The following CUEDC1 variants were observed in gnomAD, a reference collection of about 807,000 sequenced individuals.
CUEDC1 encodes CUE domain-containing protein 1.
In CUEDC1, 30 loss-of-function variants were observed where a neutral mutation model predicts 43.7. The observed-to-expected ratio is 0.69, with a 90% CI of 0.51 to 0.93. CUEDC1 has a LOEUF of 0.93. CUEDC1 is among the 40% of genes least tolerant of loss of function. The pLI, the probability that CUEDC1 is intolerant of heterozygous loss-of-function variation, is 0.00. For synonymous variants in CUEDC1, 223 were observed against 223.6 expected (o/e 1.00, Z 0.02); for missense variants, 486 against 549.0 (o/e 0.89, Z 1.15).
At chr17:57,899,341 G>A (rs528460351) in intron 1 of CUEDC1, among the ~76,000 whole-genome samples, 2 of 152,222 alleles carry the variant, frequency 1.3e-5, no homozygotes, top group East Asian at 3.9e-4. Context: ...GCACAGTCAG[G>A]GGCGCCCAGA....
At chr17:57,940,432 G>A (rs749153682) in intron 1 of CUEDC1, among the ~76,000 whole-genome samples, 12 of 152,086 alleles carry the variant, frequency 7.9e-5, no homozygotes, top group Non-Finnish European at 1.5e-4. Context: ...ACCAGCTCTG[G>A]ACAATGTGAA....
At chr17:57,890,161 G>C (rs1428761609) in intron 1 of CUEDC1, among the ~76,000 whole-genome samples, 1 of 152,192 alleles carries the variant, frequency 6.6e-6, no homozygotes, top group Non-Finnish European at 1.5e-5. Flanking sequence ...TATGTGGAGA[G>C]GCCAGAATAG....
rs202209140 is a variant in CUEDC1, at chr17:57,879,573, C to A, written c.464+38G>T. 4.7e-4 allele frequency: 732 copies of A among 1,545,968 alleles called. 2 individuals carry two copies. Among genetic ancestry groups the A allele is most frequent in the Middle Eastern group, 2.4e-3 (14 of 5,764 alleles). On this transcript the variant is annotated intron_variant, in intron 3 of 10. Transcript: ENST00000577830. ...ACAGCCCCAGCCACTGATCCTCTTC[C>A]CTGCCACCCTGTGCTCTGAGACATG...
rs544912009 is a variant in CUEDC1, at chr17:57,908,291, A to G, written c.-315-22412T>C. Reference sequence around the variant, plus strand: ...AGGCTGGTCTCAAACTCCTGACCTCAGGTAATCTGCCTGCCTAGGCCTCCC... The same window carrying G: ...AGGCTGGTCTCAAACTCCTGACCTCGGGTAATCTGCCTGCCTAGGCCTCCC... On this transcript the variant is annotated intron_variant, in intron 1 of 10. Coordinates refer to ENST00000577830, the MANE Select transcript of CUEDC1 (RefSeq NM_001271875.2). Among the ~76,000 whole-genome samples, 6 of 152,294 alleles carry G rather than the reference A, an allele frequency of 3.9e-5. No homozygotes were observed. In the South Asian group the frequency reaches 1.2e-3, roughly 32 times the overall value.
chr17:57,866,749 T>C, intron 9 of CUEDC1: 1 of 567,240 alleles, frequency 1.8e-6, no homozygotes, highest in East Asian at 2.9e-5. Context: ...ACCACTGAGC[T>C]CTGAGACCTT....
intron 2 of CUEDC1, among the ~76,000 whole-genome samples, chr17:57,880,833 C>CTGACTTCAAG (rs57581123): frequency 6.6e-6 from 1 of 151,570 alleles, no homozygotes; most frequent in Non-Finnish European, 1.5e-5. Context: ...TCTTGAACTC[C>CTGACTTCAAG]TGATCCACCA....
chr17:57,885,242 C>G lies in CUEDC1; in HGVS notation c.323G>C (p.Ser108Thr). 1.3e-6 allele frequency: 2 copies of G among 1,581,700 alleles called. No homozygotes were observed. Among genetic ancestry groups the G allele is most frequent in the Non-Finnish European group, 1.7e-6 (2 of 1,160,966 alleles). ...VYEDSSDSED[S>T]IPPEILERTL... ...CTGCGCCCCTACCTCCGGGGGGATG[C>G]TGTCCTCCGAGTCGGAGCTGTCCTC... Residue 108 changes from serine (S) to threonine (T), a missense_variant, in exon 2 of 11, where the codon AGC (serine) becomes ACC (threonine). Transcript: ENST00000577830.
intron 4 of CUEDC1, 21 bp from the exon 5 acceptor site, chr17:57,872,876 G>A (rs752280405): frequency 6.2e-7 from 1 of 1,604,510 alleles, no homozygotes; most frequent in Non-Finnish European, 8.5e-7. Flanking sequence ...AAGCGAGCAT[G>A]TTGAATGTGT....
rs527789718 is a variant in CUEDC1, at chr17:57,915,608, T to C, written c.-315-29729A>G. Among the ~76,000 whole-genome samples, 5 of 152,296 alleles carry C rather than the reference T, an allele frequency of 3.3e-5. No individual in the cohort carries two copies. The South Asian group carries it at 1.0e-3, about 32-fold the overall frequency. On this transcript the variant is annotated intron_variant, in intron 1 of 10. Transcript: ENST00000577830. The stretch of plus-strand genomic sequence containing the variant: ...AAACCAGCAGGGACTGAGCAACAGC[T>C]CAGGCAGAAAGTTGGCGCCTGGCCT...
chr17:57,950,296 G>A (rs1351777186), intron 1 of CUEDC1, among the ~76,000 whole-genome samples: 2 of 151,632 alleles, frequency 1.3e-5, no homozygotes, highest in African/African-American at 2.4e-5. Context: ...GACTACAGGC[G>A]CCTGCCGCCA....
At chr17:57,902,034 C>T (rs987908512) in intron 1 of CUEDC1, among the ~76,000 whole-genome samples, 2 of 151,888 alleles carry the variant, frequency 1.3e-5, no homozygotes, top group Admixed American at 1.3e-4. Flanking sequence ...ATTAGCCAGG[C>T]GTGGTGGCAG....
chr17:57,950,459 T>A (rs960871751), intron 1 of CUEDC1, among the ~76,000 whole-genome samples: 7 of 150,014 alleles, frequency 4.7e-5, no homozygotes, highest in African/African-American at 1.7e-4. Flanking sequence ...AGCCTCTTTT[T>A]TATTTTTTTA....
chr17:57,901,507 C>T (rs2074471775), intron 1 of CUEDC1, among the ~76,000 whole-genome samples: 1 of 152,268 alleles, frequency 6.6e-6, no homozygotes, highest in South Asian at 2.1e-4. Context: ...ATTCCAGCCC[C>T]AGCCGTGAGC....
At chr17:57,917,404 C>A (rs902178522) in intron 1 of CUEDC1, among the ~76,000 whole-genome samples, 1 of 152,218 alleles carries the variant, frequency 6.6e-6, no homozygotes, top group Non-Finnish European at 1.5e-5. Flanking sequence ...CATCCTGGGA[C>A]GAAGGGGCAA....
intron 1 of CUEDC1, among the ~76,000 whole-genome samples, chr17:57,907,685 A>C (rs1219592378): frequency 6.6e-6 from 1 of 151,964 alleles, no homozygotes; most frequent in African/African-American, 2.4e-5. Flanking sequence ...GTCTCTACTA[A>C]AAATACAAAA....
chr17:57,871,256 T>C (rs770426945), intron 6 of CUEDC1, 30 bp downstream of exon 6: 1 of 1,564,162 alleles, frequency 6.4e-7, no homozygotes, highest in Admixed American at 1.7e-5. Context: ...ACTATGCCTC[T>C]AGGTTTTCTT....
intron 1 of CUEDC1, among the ~76,000 whole-genome samples, chr17:57,951,627 T>A (rs375183130): frequency 6.6e-6 from 1 of 151,874 alleles, no homozygotes; most frequent in East Asian, 1.9e-4. Flanking sequence ...CCCGGCTAAT[T>A]TTTTGTATTT....
Position 57,885,443 on chromosome 17 carries a change from T to C in CUEDC1, c.122A>G (p.Gln41Arg), listed in dbSNP as rs767977441. 5 of 1,599,130 alleles carry C rather than the reference T, an allele frequency of 3.1e-6. No individual in the cohort carries two copies. Among genetic ancestry groups the C allele is most frequent in the Non-Finnish European group, 2.6e-6 (3 of 1,174,628 alleles). Residue 41 changes from glutamine (Q) to arginine (R), a missense_variant, in exon 2 of 11, where the codon CAG becomes CGG. Coordinates refer to ENST00000577830, the MANE Select transcript of CUEDC1 (RefSeq NM_001271875.2). ...QELNNSRPAR[Q>R]VRRLEFNQAM... ...CTGGTTGAACTCCAGGCGGCGCACCTGGCGGGCAGGCCGGCTGTTGTTGAG... is the reference window on the plus strand; with the variant it reads ...CTGGTTGAACTCCAGGCGGCGCACCCGGCGGGCAGGCCGGCTGTTGTTGAG...
chr17:57,955,039 G>C lies in CUEDC1; in HGVS notation c.-316+186C>G, dbSNP rs897043286. On this transcript the variant is annotated intron_variant, in intron 1 of 10. Transcript: ENST00000577830. This position sits in a 1 kb window ranked among gnomAD's most constrained non-coding sequence, Gnocchi z 5.3. ...GGGACCTGCCGCACGCGGAGCTCCCGGGGAGCCGCGCCGACAGCCCCGGGA... is the reference window on the plus strand; with the variant it reads ...GGGACCTGCCGCACGCGGAGCTCCCCGGGAGCCGCGCCGACAGCCCCGGGA... 7.3e-5 allele frequency among the ~76,000 whole-genome samples: 11 copies of C among 151,208 alleles called. No homozygotes were observed. The highest frequency in any genetic ancestry group is 4.2e-4 in the South Asian group (2 of 4,818).
Sources: gnomAD v4.1 joint callset for allele counts (sites outside exome capture counted in the v4.1 genomes callset) on GRCh38, gnomAD v4.1.1 for gene constraint, Gnocchi (gnomAD v3.1) non-coding constraint, MANE v1.5 for transcripts, NCBI Gene and HGNC (gene_info 2026-07-23, HGNC 2026-07-21) for gene names.